YPEL4: variants seen among roughly 807,000 people sequenced by gnomAD.
YPEL4 encodes the protein yippee like 4, also known as protein yippee-like 4.
A neutral mutation model predicts 16.3 loss-of-function variants in YPEL4; 5 were observed. The observed-to-expected ratio is 0.31, with a 90% CI of 0.16 to 0.64. The LOEUF (loss-of-function observed/expected upper bound fraction) is 0.64, where lower values mean the gene tolerates loss of function less well. Ranked by LOEUF, YPEL4 falls within the 30% of genes least tolerant of loss-of-function variation. The pLI, the probability that YPEL4 is intolerant of heterozygous loss-of-function variation, is 0.79. For synonymous variants in YPEL4, 61 were observed against 60.7 expected, an observed-to-expected ratio of 1.00 and a Z score of -0.02; for missense variants, 127 against 170.0, an observed-to-expected ratio of 0.75 and a Z score of 1.41.
intron 3 of YPEL4, 50 bp from the exon 4 acceptor site, chr11:57,646,455 AGTCCAGTCCC>A: frequency 1.2e-6 from 2 of 1,604,290 alleles, no homozygotes; most frequent in Non-Finnish European, 1.7e-6. Flanking sequence ...TTGCACTGTC[AGTCCAGTCCC>A]CAGACAGCCC....
Position 57,645,729 on chromosome 11 carries a change from A to G in YPEL4, c.*252T>C, listed in dbSNP as rs552598535. Reference sequence around the variant, plus strand: ...CAGGATCTTGGGAACAGAAAGACCCACAACCATCCCTTTCCCCCAGTTCTG... The same window carrying G: ...CAGGATCTTGGGAACAGAAAGACCCGCAACCATCCCTTTCCCCCAGTTCTG... On this transcript the variant is annotated 3_prime_UTR_variant, in exon 5 of 5. Coordinates refer to ENST00000300022, the MANE Select transcript of YPEL4 (RefSeq NM_145008.3). 9.8e-6 allele frequency: 5 copies of G among 509,190 alleles called. No homozygotes were observed. The highest frequency in any genetic ancestry group is 9.5e-5 in the East Asian group (3 of 31,560). The allele number at this position is 509,190 out of a possible 1,614,324, so 31.5% of individuals were successfully genotyped here.
rs1467382070 is a variant in YPEL4 at position 57,647,329 on chromosome 11, C to T, written c.-184-38G>A. ...GAAAGGACATCAGGGGAGCTGCGAC[C>T]TCAGGAGGACCCCTCCTGAGGGAAT... is the stretch of plus-strand genomic sequence containing the variant. On this transcript the variant is annotated intron_variant, in intron 1 of 4. Coordinates refer to ENST00000300022, the MANE Select transcript of YPEL4 (RefSeq NM_145008.3). This position sits in a 1 kb window ranked among gnomAD's most constrained non-coding sequence, Gnocchi z 4.2. 4 of 517,092 alleles carry T rather than the reference C, an allele frequency of 7.7e-6. No individual in the cohort carries two copies. The highest frequency in any genetic ancestry group is 2.0e-5 in the African/African-American group (1 of 50,634). 32.0% of individuals were successfully genotyped at this position (517,092 alleles called of 1,614,324 possible).
At position 57,646,955 on chromosome 11, in the gene YPEL4, C is replaced by A. The variant is rs373054541; in HGVS notation, c.141+12G>T. 8 of 1,567,074 alleles carry A rather than the reference C, an allele frequency of 5.1e-6. No individual in the cohort carries two copies. The highest frequency in any genetic ancestry group is 6.9e-6 in the Non-Finnish European group (8 of 1,154,584). On this transcript the variant is annotated intron_variant, in intron 2 of 4. Coordinates refer to ENST00000300022, the MANE Select transcript of YPEL4 (RefSeq NM_145008.3). ...CGAGAGGAGGGGAATGGCAGGTCCC[C>A]GCTTCGCGTACCTTGGAAATAAGCT...
Position 57,647,074 on chromosome 11 carries a change from AG to A in YPEL4, c.33del (p.Cys12AlafsTer71). 6.3e-7 allele frequency: 1 copy of A among 1,593,802 alleles called. No homozygotes were observed. The highest frequency in any genetic ancestry group is 8.5e-7 in the Non-Finnish European group (1 of 1,171,840). On this transcript the variant is annotated frameshift_variant, in exon 2 of 5. Transcript: ENST00000300022. LOFTEE classifies it high-confidence loss of function. The surrounding 1 kb of genome is among the most constrained non-coding windows in gnomAD (Gnocchi z 4.2). ...CTGCGGAAAGTCTTGGTGGGGAGGC[AG>A]GCAGGGCCCGGACCGGGGTCACAGC... Reference protein sequence around the residue: MPSCDPGPGPACLPTKTFRSY... With the variant: MPSCDPGPGPXCLPTKTFRSY...
At chr11:57,646,702 C>A in intron 3 of YPEL4, 49 bp downstream of exon 3, 1 of 1,606,294 alleles carries the variant, frequency 6.2e-7, no homozygotes, top group East Asian at 2.2e-5. Flanking sequence ...GAAAATTACT[C>A]ACTCACACAC....
In YPEL4 at chr11:57,646,705, T is replaced by C. The variant is rs963304808; in HGVS notation, c.185+46A>G. 3 of 1,609,258 alleles carry C rather than the reference T, an allele frequency of 1.9e-6. No homozygotes were observed. In the African/African-American group the frequency reaches 4.0e-5, roughly 22 times the overall value. On this transcript the variant is annotated intron_variant, in intron 3 of 4. Transcript: ENST00000300022. ...TTCTCCACAGAGGAAAATTACTCAC[T>C]CACACACAAGCACAAGCACACGCAC...
In YPEL4 at chr11:57,646,582, TC is replaced by T. The variant is rs1945732614; in HGVS notation, c.185+168del. On this transcript the variant is annotated intron_variant, in intron 3 of 4. Transcript: ENST00000300022. ...TTTTCCACCGTTATGATTTCAATTC[TC>T]CCCCGGCTCCCCATGTGAGAACTTC... The T allele has an allele frequency of 5.8e-6, 7 of 1,214,382 alleles. No individual in the cohort carries two copies. The Admixed American group carries it at 6.4e-5, about 11-fold the overall frequency. 75.2% of individuals were successfully genotyped at this position (1,214,382 alleles called of 1,614,324 possible). A position where few individuals can be genotyped will look rare whatever the true frequency, so the allele number is the denominator to read the frequency against.
At position 57,646,618 on chromosome 11, in the gene YPEL4, C is replaced by A. The variant is rs142067322; in HGVS notation, c.185+133G>T. 5.6e-4 allele frequency: 764 copies of A among 1,375,052 alleles called. 6 individuals carry two copies. The African/African-American group carries it at 9.6e-3, about 17-fold the overall frequency. 85.2% of individuals were successfully genotyped at this position (1,375,052 alleles called of 1,614,324 possible). On this transcript the variant is annotated intron_variant, in intron 3 of 4. Coordinates refer to ENST00000300022, the MANE Select transcript of YPEL4 (RefSeq NM_145008.3). ...CCCATGTGAGAACTTCAGATTGAGA[C>A]CCTCTTTGCAAAAGGGGAGGCAAAG...
Position 57,646,979 on chromosome 11 carries a change from C to T in YPEL4, c.129G>A (p.Glu43=), listed in dbSNP as rs1400051512. The change falls in exon 2 of 5, where the codon GAG becomes GAA. Residue 43 remains glutamate, a synonymous_variant. Transcript: ENST00000300022. ...CCGCTTCGCGTACCTTGGAAATAAG[C>T]TCATCGTGTTTGGCCAGGTGTGCAC... is the stretch of plus-strand genomic sequence containing the variant. ...HCRAHLAKHD[E]LISKSFQGSH... 3.2e-6 allele frequency: 5 copies of T among 1,581,492 alleles called. No individual in the cohort carries two copies. The highest frequency in any genetic ancestry group is 2.6e-6 in the Non-Finnish European group (3 of 1,162,814).
In YPEL4 at chr11:57,647,225, G is replaced by C. The variant is rs1945742774; in HGVS notation, c.-118C>G. On this transcript the variant is annotated 5_prime_UTR_variant, in exon 2 of 5. Transcript: ENST00000300022. This position sits in a 1 kb window ranked among gnomAD's most constrained non-coding sequence, Gnocchi z 4.2. ...TGGCTAGAGCCGTGTTTCAGGGCAG[G>C]AGAAGTGTTGGGGGGCTGCCCGGCC... is the stretch of plus-strand genomic sequence containing the variant. 2.2e-6 allele frequency: 3 copies of C among 1,382,718 alleles called. No individual in the cohort carries two copies. The highest frequency in any genetic ancestry group is 2.9e-6 in the Non-Finnish European group (3 of 1,048,840). 85.7% of individuals were successfully genotyped at this position (1,382,718 alleles called of 1,614,324 possible).
rs764311509 is a variant in YPEL4, at chr11:57,647,147, T to G, written c.-40A>C. 2.0e-6 allele frequency: 3 copies of G among 1,519,262 alleles called. No individual in the cohort carries two copies. Among genetic ancestry groups the G allele is most frequent in the Non-Finnish European group, 1.8e-6 (2 of 1,137,122 alleles). The allele number at this position is 1,519,262 out of a possible 1,614,324, so 94.1% of individuals were successfully genotyped here. A position where few individuals can be genotyped will look rare whatever the true frequency, so the allele number is the denominator to read the frequency against. ...CAATGCCCTGGTGGGCTGGAGGGGC[T>G]GGCGCCGTGCAGCCCCCGCAGAGAC... On this transcript the variant is annotated 5_prime_UTR_variant, in exon 2 of 5. Coordinates refer to ENST00000300022, the MANE Select transcript of YPEL4 (RefSeq NM_145008.3). The surrounding 1 kb of genome is among the most constrained non-coding windows in gnomAD (Gnocchi z 4.2).
chr11:57,645,522 G>A lies in YPEL4; in HGVS notation c.*459C>T, dbSNP rs1264791242. On this transcript the variant is annotated 3_prime_UTR_variant, in exon 5 of 5. Transcript: ENST00000300022. ...TCCTCAGAGACTCTGGTCTCCTGGTGTCTGAGACCAGAATTTCACTCCAAC... is the reference window on the plus strand; with the variant it reads ...TCCTCAGAGACTCTGGTCTCCTGGTATCTGAGACCAGAATTTCACTCCAAC... 7 of 162,096 alleles carry A rather than the reference G, an allele frequency of 4.3e-5. No individual in the cohort carries two copies. The highest frequency in any genetic ancestry group is 1.7e-4 in the African/African-American group (7 of 41,552). 10.0% of individuals were successfully genotyped at this position (162,096 alleles called of 1,614,324 possible). A position where few individuals can be genotyped will look rare whatever the true frequency, so the allele number is the denominator to read the frequency against.
rs1945722212 is a variant in YPEL4, at chr11:57,645,665, T to G, written c.*316A>C. On this transcript the variant is annotated 3_prime_UTR_variant, in exon 5 of 5. Transcript: ENST00000300022. ...CAAAAACGGATTCCTCCCACAATCC[T>G]CTCTGCCTGAGTCTATGCCCTGCCA... is the stretch of plus-strand genomic sequence containing the variant. 2.9e-6 allele frequency: 1 copy of G among 340,034 alleles called. No individual in the cohort carries two copies. The highest frequency in any genetic ancestry group is 5.4e-6 in the Non-Finnish European group (1 of 184,776). The allele number at this position is 340,034 out of a possible 1,614,324, so 21.1% of individuals were successfully genotyped here.
chr11:57,646,838 G>A (rs1186340813), intron 2 of YPEL4, 44 bp from the exon 3 acceptor site: 1 of 1,611,622 alleles, frequency 6.2e-7, no homozygotes. Flanking sequence ...GCAGCCTTCA[G>A]CCCCACTGCC....
At position 57,645,800 on chromosome 11, in the gene YPEL4, G is replaced by A. The variant is rs1590841266; in HGVS notation, c.*181C>T. The stretch of plus-strand genomic sequence containing the variant: ...ACTCCTGAGCCTTAACACCCCTGGG[G>A]TACCCCCAGACCCCTGTTCTAAAGG... On this transcript the variant is annotated 3_prime_UTR_variant, in exon 5 of 5. Coordinates refer to ENST00000300022, the MANE Select transcript of YPEL4 (RefSeq NM_145008.3). The A allele has an allele frequency of 1.6e-6, 1 of 618,428 alleles. No homozygotes were observed. Among genetic ancestry groups the A allele is most frequent in the East Asian group, 2.8e-5 (1 of 36,210 alleles). 38.3% of individuals were successfully genotyped at this position (618,428 alleles called of 1,614,324 possible).
intron 2 of YPEL4, 68 bp from the exon 3 acceptor site, chr11:57,646,862 G>T: frequency 6.2e-7 from 1 of 1,604,226 alleles, no homozygotes. Context: ...ATCCCCGCAG[G>T]GGTGTGTAGG....
intron 3 of YPEL4, 95 bp from the exon 4 acceptor site, chr11:57,646,500 C>A: frequency 7.0e-7 from 1 of 1,424,608 alleles, no homozygotes; most frequent in Non-Finnish European, 9.8e-7. Flanking sequence ...CTGGAGAGAA[C>A]TGGACAGCCC....
rs1020885461 is a variant in YPEL4 at position 57,647,481 on chromosome 11, C to T, written c.-184-190G>A. Reference sequence around the variant, plus strand: ...ATTCTGCTCTGGCAAACCTGGCAGCCGATCCAGGCTTCTGGCGCCAAAGCC... The same window carrying T: ...ATTCTGCTCTGGCAAACCTGGCAGCTGATCCAGGCTTCTGGCGCCAAAGCC... On this transcript the variant is annotated intron_variant, in intron 1 of 4. Coordinates refer to ENST00000300022, the MANE Select transcript of YPEL4 (RefSeq NM_145008.3). This position sits in a 1 kb window ranked among gnomAD's most constrained non-coding sequence, Gnocchi z 4.2. 5.9e-6 allele frequency: 1 copy of T among 169,406 alleles called. No individual in the cohort carries two copies. The highest frequency in any genetic ancestry group is 2.0e-4 in the South Asian group (1 of 5,042). The allele number at this position is 169,406 out of a possible 1,614,324, so 10.5% of individuals were successfully genotyped here. A position where few individuals can be genotyped will look rare whatever the true frequency, so the allele number is the denominator to read the frequency against.
rs904173220 is a variant in YPEL4 at position 57,647,385 on chromosome 11, T to G, written c.-184-94A>C. ...AAAAGGGAATCAGCTCACCCATACC[T>G]CTACTTTCCCCATCACCATCGACCC... On this transcript the variant is annotated intron_variant, in intron 1 of 4. Transcript: ENST00000300022. The surrounding 1 kb of genome is among the most constrained non-coding windows in gnomAD (Gnocchi z 4.2). 2 of 341,218 alleles carry G rather than the reference T, an allele frequency of 5.9e-6. No homozygotes were observed. The highest frequency in any genetic ancestry group is 9.5e-5 in the Admixed American group (2 of 21,070). 21.1% of individuals were successfully genotyped at this position (341,218 alleles called of 1,614,324 possible). A position where few individuals can be genotyped will look rare whatever the true frequency, so the allele number is the denominator to read the frequency against.
Sources: gnomAD v4.1 joint callset for allele counts on GRCh38, gnomAD v4.1.1 for gene constraint, Gnocchi (gnomAD v3.1) non-coding constraint, MANE v1.5 for transcripts, NCBI Gene and HGNC (gene_info 2026-07-23, HGNC 2026-07-21) for gene names.